The following HPGD variants were observed in gnomAD, a reference collection of about 807,000 sequenced individuals.
The protein encoded by HPGD is 15-hydroxyprostaglandin dehydrogenase.
HPGD carries 29 observed loss-of-function variants against 30.0 expected under a neutral mutation model. The ratio of observed to expected loss-of-function variants is 0.97; its 90% CI spans 0.72 to 1.32. The LOEUF is 1.32. Among genes scored for constraint, HPGD ranks in the 40% most tolerant of loss-of-function variants. HPGD has a pLI of 0.00. For synonymous variants in HPGD, 99 were observed against 112.4 expected, an observed-to-expected ratio of 0.88 and a Z score of 0.75; for missense variants, 340 against 322.1, an observed-to-expected ratio of 1.06 and a Z score of -0.43.
Position 174,494,862 on chromosome 4 carries a change from T to C in HPGD, c.498+686A>G, listed in dbSNP as rs1579270769. Among the ~76,000 whole-genome samples the C allele has an allele frequency of 1.3e-5, 2 of 152,206 alleles. No homozygotes were observed. Among genetic ancestry groups the C allele is most frequent in the African/African-American group, 4.8e-5 (2 of 41,454 alleles). ...TGCGTGTAAAAGCCCCATGGATGGT[T>C]GCCCTTGAAATAAAATCCAAGCTCA... On this transcript the variant is annotated intron_variant, in intron 5 of 6. Coordinates refer to ENST00000296522, the MANE Select transcript of HPGD (RefSeq NM_000860.6). The surrounding 1 kb of genome is among the most constrained non-coding windows in gnomAD (Gnocchi z 4.9).
intron 4 of HPGD, among the ~76,000 whole-genome samples, chr4:174,498,529 C>T (rs945604035): frequency 1.3e-5 from 2 of 152,158 alleles, no homozygotes; most frequent in African/African-American, 4.8e-5. Flanking sequence ...CAGGCAACCA[C>T]TGATCTGCTT....
At chr4:174,505,387 G>T (rs557788018) in intron 4 of HPGD, among the ~76,000 whole-genome samples, 59 of 152,250 alleles carry the variant, frequency 3.9e-4, no homozygotes, top group African/African-American at 1.4e-3. Flanking sequence ...AGGAAGCAAG[G>T]TTTGGAAAAC....
At chr4:174,497,568 C>CTTTTCTTTTTTTTTTTTTTTTTTTT (rs1553998366) in intron 4 of HPGD, among the ~76,000 whole-genome samples, 2 of 51,106 alleles carry the variant, frequency 3.9e-5, no homozygotes, top group African/African-American at 1.3e-4. Flanking sequence ...CTTTTTCTTT[C>CTTTTCTTTTTTTTTTTTTTTTTTTT]TTTTTTTTTT....
chr4:174,496,236 A>T lies in HPGD; in HGVS notation c.422-612T>A, dbSNP rs1734588245. The stretch of plus-strand genomic sequence containing the variant: ...CTATGACTTAGGAAGATAGAAATAA[A>T]CATTTGTGGTCCTATTTTATTTCCT... On this transcript the variant is annotated intron_variant, in intron 4 of 6. Transcript: ENST00000296522. This position sits in a 1 kb window ranked among gnomAD's most constrained non-coding sequence, Gnocchi z 4.6. 6.6e-6 allele frequency among the ~76,000 whole-genome samples: 1 copy of T among 152,238 alleles called. No homozygotes were observed. The highest frequency in any genetic ancestry group is 1.5e-5 in the Non-Finnish European group (1 of 68,032).
chr4:174,521,956 G>T lies in HPGD; in HGVS notation c.205C>A (p.Gln69Lys), dbSNP rs1381334746. The change falls in exon 2 of 7, where the codon CAA (glutamine) becomes AAA (lysine). Residue 69 changes from glutamine to lysine, a missense_variant. Gln to Lys is a moderately conservative substitution (Grantham distance 53). Coordinates refer to ENST00000296522, the MANE Select transcript of HPGD (RefSeq NM_000860.6). Reference sequence around the variant, plus strand: ...TCCCCTGTCTTACCTCTCAGTTGTTGCTGGTCAGCCACATCGCACTGGATG... The same window carrying T: ...TCCCCTGTCTTACCTCTCAGTTGTTTCTGGTCAGCCACATCGCACTGGATG... ...LFIQCDVADQQQLRDTFRKVV... is the reference protein window; with the variant it reads ...LFIQCDVADQKQLRDTFRKVV... 1 of 1,614,144 alleles carries T rather than the reference G, an allele frequency of 6.2e-7. No individual in the cohort carries two copies. Among genetic ancestry groups the T allele is most frequent in the East Asian group, 2.2e-5 (1 of 44,870 alleles).
rs1734296119 is a variant in HPGD, at chr4:174,490,637, C to T, written c.*1319G>A. 6.6e-6 allele frequency: 1 copy of T among 152,302 alleles called. No individual in the cohort carries two copies. The highest frequency in any genetic ancestry group is 2.4e-5 in the African/African-American group (1 of 41,444). 9.4% of individuals were successfully genotyped at this position (152,302 alleles called of 1,614,324 possible). A position where few individuals can be genotyped will look rare whatever the true frequency, so the allele number is the denominator to read the frequency against. On this transcript the variant is annotated 3_prime_UTR_variant, in exon 7 of 7. Coordinates refer to ENST00000296522, the MANE Select transcript of HPGD (RefSeq NM_000860.6). The surrounding 1 kb of genome is among the most constrained non-coding windows in gnomAD (Gnocchi z 4.4). ...AATCTAGACCAGAGTTATTAATATT[C>T]AAATTACTCCTTAAAAGTGAAGGCA... is the stretch of plus-strand genomic sequence containing the variant.
At chr4:174,505,334 T>G (rs1470001896) in intron 4 of HPGD, among the ~76,000 whole-genome samples, 1 of 151,934 alleles carries the variant, frequency 6.6e-6, no homozygotes, top group Non-Finnish European at 1.5e-5. Context: ...ATTCCTTCAA[T>G]AGAGTAAGCA....
chr4:174,511,879 C>A (rs1400867513), intron 3 of HPGD, among the ~76,000 whole-genome samples: 3 of 152,188 alleles, frequency 2.0e-5, no homozygotes, highest in Non-Finnish European at 4.4e-5. Context: ...ATCTCCTGAC[C>A]TTGTGATCCG....
intron 3 of HPGD, among the ~76,000 whole-genome samples, chr4:174,510,007 C>T (rs1236058656): frequency 6.6e-6 from 1 of 151,432 alleles, no homozygotes; most frequent in African/African-American, 2.4e-5. Context: ...CCTTCCAGCT[C>T]AGACTTTTAA....
chr4:174,517,116 T>C (rs1221823312), intron 3 of HPGD, among the ~76,000 whole-genome samples: 1 of 152,226 alleles, frequency 6.6e-6, no homozygotes. Flanking sequence ...ATTTGACATT[T>C]AGTTTTAGTT....
chr4:174,510,446 T>C (rs143593634), intron 3 of HPGD, among the ~76,000 whole-genome samples: 2 of 152,376 alleles, frequency 1.3e-5, no homozygotes, highest in Non-Finnish European at 2.9e-5. Context: ...CTGAACAGAA[T>C]TTCTGTTCAT....
chr4:174,497,570 T>C lies in HPGD; in HGVS notation c.422-1946A>G, dbSNP rs1361244190. ...CTTTCTTTTCTTTCTTTTTCTTTCT[T>C]TTTTTTTTTTTTTTTTTTTTTTTTT... is the stretch of plus-strand genomic sequence containing the variant. On this transcript the variant is annotated intron_variant, in intron 4 of 6. Transcript: ENST00000296522. Among the ~76,000 whole-genome samples the C allele has an allele frequency of 1.8e-4, 8 of 43,428 alleles. 1 individual carries two copies. Among genetic ancestry groups the C allele is most frequent in the Admixed American group, 8.8e-4 (3 of 3,398 alleles). 28.5% of individuals were successfully genotyped at this position (43,428 alleles called of 152,430 possible).
chr4:174,511,859 G>A (rs1013653259), intron 3 of HPGD, among the ~76,000 whole-genome samples: 6 of 152,122 alleles, frequency 3.9e-5, no homozygotes, highest in African/African-American at 1.4e-4. Context: ...TGTTAGCCAG[G>A]ATGGTCTCAA....
upstream of HPGD, chr4:174,522,698 C>A (rs1736229252): frequency 6.8e-6 from 3 of 442,632 alleles, no homozygotes; most frequent in South Asian, 1.5e-4. Flanking sequence ...CTCAAAGCCT[C>A]CCCTCAGCCT....
chr4:174,522,488 C>A lies in HPGD; in HGVS notation c.-37G>T. 6.7e-7 allele frequency: 1 copy of A among 1,482,250 alleles called. No individual in the cohort carries two copies. The allele number at this position is 1,482,250 out of a possible 1,614,324, so 91.8% of individuals were successfully genotyped here. On this transcript the variant is annotated 5_prime_UTR_variant, in exon 1 of 7. Transcript: ENST00000296522. ...TGCTGGGGCGGGCGGTGGGCGAGCT[C>A]CGCGTCTCCGCGCGGCCGCGGCTTT...
intron 4 of HPGD, chr4:174,495,949 T>A (rs1412802466): frequency 6.9e-6 from 2 of 290,360 alleles, no homozygotes; most frequent in East Asian, 8.1e-5. Flanking sequence ...AAATCATCTT[T>A]AAAGTCAGTA....
At chr4:174,508,273 A>G (rs1002909538) in intron 4 of HPGD, 5 of 627,748 alleles carry the variant, frequency 8.0e-6, no homozygotes, top group Non-Finnish European at 1.2e-5. Context: ...TTAGTTTAAC[A>G]TATCTTAACT....
intron 3 of HPGD, among the ~76,000 whole-genome samples, chr4:174,515,458 T>A (rs62332164): frequency 0.09 from 13,717 of 152,188 alleles, 810 homozygotes; most frequent in East Asian, 0.24. Flanking sequence ...CAGGTAGCCA[T>A]ATGCAGAAGA....
chr4:174,520,469 A>C (rs1028128732), intron 2 of HPGD, among the ~76,000 whole-genome samples: 2 of 152,236 alleles, frequency 1.3e-5, no homozygotes, highest in Admixed American at 6.5e-5. Context: ...TGGAAGAATC[A>C]ATGTCATGTT....
Sources: gnomAD v4.1 joint callset for allele counts (sites outside exome capture counted in the v4.1 genomes callset) on GRCh38, gnomAD v4.1.1 for gene constraint, Gnocchi (gnomAD v3.1) non-coding constraint, MANE v1.5 for transcripts, NCBI Gene and HGNC (gene_info 2026-07-23, HGNC 2026-07-21) for gene names.